The following SLC11A2 variants were observed in gnomAD, a reference collection of about 807,000 sequenced individuals.
SLC11A2 encodes natural resistance-associated macrophage protein 2.
A neutral mutation model predicts 68.0 loss-of-function variants in SLC11A2; 38 were observed. That is an observed-to-expected ratio of 0.56 (90% CI 0.43 to 0.73). The LOEUF is 0.73. SLC11A2 is among the 30% of genes least tolerant of loss of function. The probability of loss-of-function intolerance (pLI) is 0.00; values close to 1 mark genes in which losing one functional copy is unlikely to be tolerated. For synonymous variants in SLC11A2, 242 were observed against 250.6 expected, an observed-to-expected ratio of 0.97 and a Z score of 0.32; for missense variants, 517 against 690.5, an observed-to-expected ratio of 0.75 and a Z score of 2.82.
chr12:51,001,543 G>A (rs1942227530), intron 5 of SLC11A2, among the ~76,000 whole-genome samples: 1 of 143,576 alleles, frequency 7.0e-6, no homozygotes, highest in Admixed American at 7.3e-5. Flanking sequence ...CTACGGAATA[G>A]CCTTTCTTTA....
chr12:50,965,735 G>A, the SLC11A2 span, among the ~76,000 whole-genome samples: 1 of 152,190 alleles, frequency 6.6e-6, no homozygotes, highest in African/African-American at 2.4e-5. Flanking sequence ...CCCCATAAAT[G>A]TGATTCTTTT....
chr12:51,000,189 G>A, intron 6 of SLC11A2, 124 bp downstream of exon 6: 2 of 741,732 alleles, frequency 2.7e-6, no homozygotes, highest in South Asian at 1.5e-5. Flanking sequence ...TTCCAGAAAG[G>A]TTCCACAGAA....
rs934646006 is a variant in SLC11A2 at position 50,988,328 on chromosome 12, T to C, written c.1683A>G (p.Lys561=). The C allele has an allele frequency of 1.2e-6, 2 of 1,613,884 alleles. No homozygotes were observed. The highest frequency in any genetic ancestry group is 1.3e-5 in the African/African-American group (1 of 74,932). ...CAGAAGACAGACTAATCCAGTGTTA[T>C]TTAACGTAGCCACGGGTGGCTTCTT... ...LTEEATRGYV[K] Residue 561 remains lysine, a synonymous_variant, in exon 16 of 16, where the codon AAA becomes AAG. Transcript: ENST00000262052.
chr12:50,956,609 A>C, the SLC11A2 span, among the ~76,000 whole-genome samples: 4 of 152,130 alleles, frequency 2.6e-5, no homozygotes, highest in Non-Finnish European at 5.9e-5. Context: ...TGCATGCATT[A>C]TATCTATTTA....
chr12:50,997,477 G>A (rs1018373953), intron 8 of SLC11A2, among the ~76,000 whole-genome samples: 3 of 152,046 alleles, frequency 2.0e-5, no homozygotes, highest in Non-Finnish European at 2.9e-5. Context: ...CAAGGCAGGC[G>A]CATTGCTTGA....
At position 50,987,599 on chromosome 12, in the gene SLC11A2, C is replaced by T; in HGVS notation, c.*726G>A. The stretch of plus-strand genomic sequence containing the variant: ...ACTAACAGGCAGGTTATTAAGACTC[C>T]CAAGAAATCCTCATAAGCTTTTCAA... On this transcript the variant is annotated 3_prime_UTR_variant, in exon 16 of 16. Transcript: ENST00000262052. 1 of 1,287,080 alleles carries T rather than the reference C, an allele frequency of 7.8e-7. No individual in the cohort carries two copies. The allele number at this position is 1,287,080 out of a possible 1,614,324, so 79.7% of individuals were successfully genotyped here. A position where few individuals can be genotyped will look rare whatever the true frequency, so the allele number is the denominator to read the frequency against.
intron 1 of SLC11A2, among the ~76,000 whole-genome samples, chr12:51,015,358 C>T (rs1392500590): frequency 6.6e-6 from 1 of 150,788 alleles, no homozygotes; most frequent in African/African-American, 2.4e-5. Context: ...GCCTGTAATC[C>T]CAGCTACTCA....
chr12:51,023,841 A>T (rs895457988), intron 1 of SLC11A2, among the ~76,000 whole-genome samples: 48 of 152,160 alleles, frequency 3.2e-4, no homozygotes, highest in Admixed American at 5.2e-4. Context: ...AAAAATTTTT[A>T]AAAATTAGGG....
the SLC11A2 span, among the ~76,000 whole-genome samples, chr12:50,969,629 G>A: frequency 6.6e-6 from 1 of 151,884 alleles, no homozygotes; most frequent in African/African-American, 2.4e-5. Context: ...AACCTGGGAA[G>A]CGGAGGTTGC....
intron 2 of SLC11A2, 57 bp downstream of exon 2, chr12:51,010,638 A>G: frequency 1.0e-6 from 1 of 959,880 alleles, no homozygotes; most frequent in Non-Finnish European, 1.7e-6. Flanking sequence ...AATTTCTGTT[A>G]CCAACATAAA....
rs1942631794 is a variant in SLC11A2, at chr12:51,005,352, T to C, written c.268A>G (p.Ile90Val). 5.0e-6 allele frequency: 8 copies of C among 1,613,820 alleles called. No individual in the cohort carries two copies. The highest frequency in any genetic ancestry group is 6.8e-6 in the Non-Finnish European group (8 of 1,179,888). Residue 90 changes from isoleucine (I) to valine (V), a missense_variant, in exon 4 of 16, where the codon ATT becomes GTT. Physicochemically the swap from Ile to Val is conservative, Grantham distance 29 (BLOSUM62 3). Coordinates refer to ENST00000262052, the MANE Select transcript of SLC11A2 (RefSeq NM_000617.3). ...GCTCCAGACTGCAAATCGGATTCAATATTTCCTGGATCCAGGTAGGCAATG... is the reference window on the plus strand; with the variant it reads ...GCTCCAGACTGCAAATCGGATTCAACATTTCCTGGATCCAGGTAGGCAATG... ...MSIAYLDPGN[I>V]ESDLQSGAVA...
chr12:50,963,369 C>CAAAAAA, the SLC11A2 span, among the ~76,000 whole-genome samples: 60 of 72,284 alleles, frequency 8.3e-4, no homozygotes, highest in Non-Finnish European at 1.0e-3. Flanking sequence ...GACTCCATCT[C>CAAAAAA]AAAAAAAAAA....
downstream of SLC11A2, among the ~76,000 whole-genome samples, chr12:50,983,972 A>G (rs1344195049): frequency 6.6e-6 from 1 of 151,346 alleles, no homozygotes; most frequent in Non-Finnish European, 1.5e-5. Context: ...CATCTTAAAA[A>G]AAAAAAATTA....
At chr12:51,012,082 A>G (rs1943277358) in intron 1 of SLC11A2, among the ~76,000 whole-genome samples, 1 of 152,208 alleles carries the variant, frequency 6.6e-6, no homozygotes, top group African/African-American at 2.4e-5. Context: ...CAACTAGAAG[A>G]AACTAGTCAC....
chr12:50,986,537 C>G lies in SLC11A2; in HGVS notation c.*1788G>C. Reference sequence around the variant, plus strand: ...TGACTGGACCCACCCAGACCCAGGGCAAAGATACATGTTACCATATCATCT... The same window carrying G: ...TGACTGGACCCACCCAGACCCAGGGGAAAGATACATGTTACCATATCATCT... On this transcript the variant is annotated 3_prime_UTR_variant, in exon 16 of 16. Transcript: ENST00000262052. The G allele has an allele frequency of 2.3e-6, 3 of 1,287,032 alleles. No homozygotes were observed. The highest frequency in any genetic ancestry group is 3.0e-6 in the Non-Finnish European group (3 of 988,628). 79.7% of individuals were successfully genotyped at this position (1,287,032 alleles called of 1,614,324 possible). A position where few individuals can be genotyped will look rare whatever the true frequency, so the allele number is the denominator to read the frequency against.
At position 50,987,916 on chromosome 12, in the gene SLC11A2, G is replaced by T; in HGVS notation, c.*409C>A. The T allele has an allele frequency of 7.8e-7, 1 of 1,275,300 alleles. No individual in the cohort carries two copies. The highest frequency in any genetic ancestry group is 1.0e-6 in the Non-Finnish European group (1 of 982,016). 79.0% of individuals were successfully genotyped at this position (1,275,300 alleles called of 1,614,324 possible). On this transcript the variant is annotated 3_prime_UTR_variant, in exon 16 of 16. Coordinates refer to ENST00000262052, the MANE Select transcript of SLC11A2 (RefSeq NM_000617.3). ...AGCCTTTAAAAATCCATTACATTTTGATAAATAAAACTTGCATACTCATTC... is the reference window on the plus strand; with the variant it reads ...AGCCTTTAAAAATCCATTACATTTTTATAAATAAAACTTGCATACTCATTC...
intron 4 of SLC11A2, 52 bp downstream of exon 4, chr12:51,005,259 T>C: frequency 6.3e-7 from 1 of 1,593,818 alleles, no homozygotes; most frequent in Non-Finnish European, 8.6e-7. Context: ...GAGAAAAGGA[T>C]GTGAGAGTGT....
chr12:51,000,263 C>T (rs994459875), intron 6 of SLC11A2, 50 bp downstream of exon 6: 11 of 1,346,306 alleles, frequency 8.2e-6, no homozygotes, highest in African/African-American at 1.4e-5. Flanking sequence ...TTTATCTCTG[C>T]TTGGAAATCC....
In SLC11A2 at chr12:50,999,415, T is replaced by C. The variant is rs1383852452; in HGVS notation, c.537A>G (p.Arg179=). 1.2e-6 allele frequency: 2 copies of C among 1,611,758 alleles called. No individual in the cohort carries two copies. The highest frequency in any genetic ancestry group is 3.3e-5 in the Admixed American group (2 of 59,984). The part of the protein sequence containing the change: ...AIAINLLSVG[R]IPLWGGVLIT... ...TGAGAACGCCACCCCACAGAGGAAT[T>C]CTAGGTCAGAGATGAGATATGGAAG... The change falls in exon 7 of 16, where the codon AGA becomes AGG. Residue 179 remains arginine (R), a splice_region_variant and synonymous_variant. Transcript: ENST00000262052.
Sources: allele counts gnomAD v4.1 joint callset (sites outside exome capture counted in the v4.1 genomes callset), GRCh38; gene constraint gnomAD v4.1.1; transcripts MANE v1.5; gene names NCBI Gene and HGNC (gene_info 2026-07-23, HGNC 2026-07-21).